CYP20A1: variants seen among roughly 807,000 people sequenced by gnomAD.
The protein encoded by CYP20A1 is cytochrome P450 family 20 subfamily A member 1, also known as cytochrome P450 20A1.
In CYP20A1, 61 loss-of-function variants were observed where a neutral mutation model predicts 61.4. The ratio of observed to expected loss-of-function variants is 0.99; its 90% CI spans 0.81 to 1.23. The LOEUF (loss-of-function observed/expected upper bound fraction) is 1.23. CYP20A1 is among the 50% of genes most tolerant of loss of function. The pLI, the probability that CYP20A1 is intolerant of heterozygous loss-of-function variation, is 0.00. For synonymous variants in CYP20A1, 193 were observed against 188.2 expected (o/e 1.03, Z -0.21); for missense variants, 530 against 542.4 (o/e 0.98, Z 0.23).
intron 3 of CYP20A1, among the ~76,000 whole-genome samples, chr2:203,250,923 GC>G (rs2066642710): frequency 6.6e-6 from 1 of 151,822 alleles, no homozygotes; most frequent in South Asian, 2.1e-4. Flanking sequence ...AATTAGCCGG[GC>G]ATGCTGGCAG....
chr2:203,260,502 G>A (rs1039239984), intron 4 of CYP20A1, among the ~76,000 whole-genome samples: 10 of 151,988 alleles, frequency 6.6e-5, no homozygotes, highest in Non-Finnish European at 1.2e-4. Context: ...GATTACAGGC[G>A]TGAGCCACCG....
chr2:203,257,974 T>A (rs1430912441), intron 4 of CYP20A1, among the ~76,000 whole-genome samples: 3 of 152,216 alleles, frequency 2.0e-5, no homozygotes, highest in Admixed American at 6.5e-5. Context: ...CAATTATAGC[T>A]CACTGGAGCA....
chr2:203,262,914 G>A (rs981386731), intron 4 of CYP20A1, among the ~76,000 whole-genome samples: 1 of 151,780 alleles, frequency 6.6e-6, no homozygotes, highest in Non-Finnish European at 1.5e-5. Context: ...TCCTGACCTC[G>A]TGATCCGCCC....
At chr2:203,266,084 G>C (rs1292099051) in intron 4 of CYP20A1, among the ~76,000 whole-genome samples, 1 of 152,166 alleles carries the variant, frequency 6.6e-6, no homozygotes, top group Non-Finnish European at 1.5e-5. Flanking sequence ...AAGAGACTCT[G>C]AGAGGTTTCT....
chr2:203,254,949 C>T (rs1254384780), intron 4 of CYP20A1, among the ~76,000 whole-genome samples: 3 of 151,708 alleles, frequency 2.0e-5, no homozygotes, highest in African/African-American at 7.3e-5. Context: ...CAAGATTGCG[C>T]CACTGCACTC....
At chr2:203,278,935 A>G (rs1295896704) in intron 7 of CYP20A1, among the ~76,000 whole-genome samples, 1 of 152,170 alleles carries the variant, frequency 6.6e-6, no homozygotes, top group East Asian at 1.9e-4. Flanking sequence ...GTGGCTTAAG[A>G]GAAGCATCAT....
intron 4 of CYP20A1, among the ~76,000 whole-genome samples, chr2:203,261,949 T>C (rs2067154509): frequency 6.6e-6 from 1 of 152,048 alleles, no homozygotes; most frequent in Non-Finnish European, 1.5e-5. Flanking sequence ...CAGGAGGTGC[T>C]GCAGGGTTGG....
chr2:203,262,695 T>G (rs867719397), intron 4 of CYP20A1, among the ~76,000 whole-genome samples: 3 of 152,056 alleles, frequency 2.0e-5, no homozygotes, highest in South Asian at 4.1e-4. Context: ...GTTGTTTGTT[T>G]TTTGTTTTTT....
intron 4 of CYP20A1, among the ~76,000 whole-genome samples, chr2:203,258,005 G>GCTCAAGTGCAGTGGCACC (rs1455916330): frequency 2.0e-5 from 3 of 151,752 alleles, no homozygotes; most frequent in Admixed American, 6.6e-5. Flanking sequence ...GGGCTGAAGG[G>GCTCAAGTGCAGTGGCACC]ATCCTCCTGC....
chr2:203,256,854 C>T (rs1468909171), intron 4 of CYP20A1, among the ~76,000 whole-genome samples: 2 of 152,182 alleles, frequency 1.3e-5, no homozygotes, highest in Non-Finnish European at 2.9e-5. Flanking sequence ...TGACTCCTCT[C>T]TTACTTCCAT....
rs138937713 is a variant in CYP20A1, at chr2:203,299,861, T to C, written c.*2953T>C. ...TGCACTCCAGCCTGGGCAACAAGAG[T>C]GAAACTCCGTCTCAAAAAAAAAAGA... On this transcript the variant is annotated 3_prime_UTR_variant, in exon 13 of 13. Coordinates refer to ENST00000356079, the MANE Select transcript of CYP20A1 (RefSeq NM_177538.3). Among the ~76,000 whole-genome samples, 4 of 151,428 alleles carry C rather than the reference T, an allele frequency of 2.6e-5. No homozygotes were observed. Among genetic ancestry groups the C allele is most frequent in the Admixed American group, 1.3e-4 (2 of 15,170 alleles).
At position 203,252,057 on chromosome 2, in the gene CYP20A1, A is replaced by G; in HGVS notation, c.380A>G (p.Tyr127Cys). Residue 127 changes from tyrosine (Y) to cysteine (C), a missense_variant, in exon 4 of 13, where the codon TAT becomes TGT. Coordinates refer to ENST00000356079, the MANE Select transcript of CYP20A1 (RefSeq NM_177538.3). ...VSENHMRKKL[Y>C]ENGVTDSLKS... Reference sequence around the variant, plus strand: ...GAAAACCACATGAGGAAAAAATTGTATGAAAATGGTGTGACTGATTCTCTG... The same window carrying G: ...GAAAACCACATGAGGAAAAAATTGTGTGAAAATGGTGTGACTGATTCTCTG... 6.2e-7 allele frequency: 1 copy of G among 1,610,802 alleles called. No homozygotes were observed. Among genetic ancestry groups the G allele is most frequent in the Non-Finnish European group, 8.5e-7 (1 of 1,178,326 alleles).
rs747580651 is a variant in CYP20A1 at position 203,278,573 on chromosome 2, C to T, written c.680C>T (p.Ala227Val). The change falls in exon 7 of 13, where the codon GCC becomes GTC. Residue 227 changes from alanine to valine, a missense_variant and splice_region_variant. Physicochemically the swap from Ala to Val is moderately conservative, Grantham distance 64. Coordinates refer to ENST00000356079, the MANE Select transcript of CYP20A1 (RefSeq NM_177538.3). ...AAATTATTTTGTTTTTTTCTCTAAGCCCTCATGCAACTGGAGTCTGTTTTA... is the reference window on the plus strand; with the variant it reads ...AAATTATTTTGTTTTTTTCTCTAAGTCCTCATGCAACTGGAGTCTGTTTTA... ...NMTRKKQYED[A>V]LMQLESVLRN... 1.6e-5 allele frequency: 24 copies of T among 1,507,730 alleles called. No individual in the cohort carries two copies. The highest frequency in any genetic ancestry group is 4.1e-5 in the Admixed American group (2 of 49,262). The allele number at this position is 1,507,730 out of a possible 1,614,324, so 93.4% of individuals were successfully genotyped here. A position where few individuals can be genotyped will look rare whatever the true frequency, so the allele number is the denominator to read the frequency against.
chr2:203,291,463 A>C (rs2068527508), intron 10 of CYP20A1, among the ~76,000 whole-genome samples: 2 of 152,150 alleles, frequency 1.3e-5, no homozygotes, highest in Non-Finnish European at 1.5e-5. Flanking sequence ...TATTTTATGA[A>C]TCTTGCTTTT....
Position 203,278,630 on chromosome 2 carries a change from A to G in CYP20A1, c.737A>G (p.Asn246Ser). 1 of 1,608,088 alleles carries G rather than the reference A, an allele frequency of 6.2e-7. No individual in the cohort carries two copies. Among genetic ancestry groups the G allele is most frequent in the South Asian group, 1.1e-5 (1 of 89,410 alleles). The change falls in exon 7 of 13, where the codon AAC (asparagine) becomes AGC (serine). Residue 246 changes from asparagine (N) to serine (S), a missense_variant. Physicochemically the swap from Asn to Ser is conservative, Grantham distance 46. Transcript: ENST00000356079. ...RNIIKERKGR[N>S]FSQHIFIDSL... ...ATCATAAAAGAACGAAAAGGAAGGAACTTCAGTCAACATATTTTCATTGAC... is the reference window on the plus strand; with the variant it reads ...ATCATAAAAGAACGAAAAGGAAGGAGCTTCAGTCAACATATTTTCATTGAC...
rs775813119 is a variant in CYP20A1 at position 203,246,761 on chromosome 2, TA to T, written c.131del (p.Asn44IlefsTer6). On this transcript the variant is annotated frameshift_variant, in exon 3 of 13. Coordinates refer to ENST00000356079, the MANE Select transcript of CYP20A1 (RefSeq NM_177538.3). LOFTEE classifies it high-confidence loss of function. ...GITPTEEKDGNLPDIVNSGSL... is the reference protein window; with the variant it reads ...GITPTEEKDGXLPDIVNSGSL... ...AATGTTGCTCTTTTGCCAGAGATGG[TA>T]ATCTTCCAGATATTGTGAATAGTGG... The T allele has an allele frequency of 3.1e-6, 5 of 1,609,022 alleles. No homozygotes were observed. Among genetic ancestry groups the T allele is most frequent in the Non-Finnish European group, 4.2e-6 (5 of 1,178,876 alleles).
At chr2:203,266,787 C>A in intron 5 of CYP20A1, 106 bp downstream of exon 5, 1 of 900,180 alleles carries the variant, frequency 1.1e-6, no homozygotes, top group Non-Finnish European at 1.8e-6. Context: ...TAAAGACCAG[C>A]CTGCCCCACA....
At chr2:203,282,515 C>T (rs558785583) in intron 8 of CYP20A1, among the ~76,000 whole-genome samples, 32 of 152,138 alleles carry the variant, frequency 2.1e-4, no homozygotes, top group East Asian at 3.9e-4. Context: ...TTTTAAAACG[C>T]ATTACATTAA....
chr2:203,265,472 T>C (rs76176833), intron 4 of CYP20A1, among the ~76,000 whole-genome samples: 2,649 of 152,318 alleles, frequency 0.017, 33 homozygotes, highest in Middle Eastern at 0.041. Context: ...TACTTTGATT[T>C]TGTACACTAA....
Sources: allele counts gnomAD v4.1 joint callset (sites outside exome capture counted in the v4.1 genomes callset), GRCh38; gene constraint gnomAD v4.1.1; transcripts MANE v1.5; gene names NCBI Gene and HGNC (gene_info 2026-07-23, HGNC 2026-07-21).